The following EFCAB8 variants were observed in gnomAD, a reference collection of about 807,000 sequenced individuals.
EFCAB8 encodes the protein EF-hand calcium binding domain 8, also known as EF-hand calcium-binding domain-containing protein 8.
Under a neutral mutation model 116.3 loss-of-function variants are expected in EFCAB8, and 100 were observed. That is an observed-to-expected ratio of 0.86 (90% CI 0.73 to 1.02). The LOEUF (loss-of-function observed/expected upper bound fraction) is 1.02, where lower values mean the gene tolerates loss of function less well. EFCAB8 is among the 50% of genes least tolerant of loss of function. EFCAB8 has a pLI of 0.00. For missense variants in EFCAB8, 1,320 were observed against 1,416.9 expected, an observed-to-expected ratio of 0.93 and a Z score of 1.10; for synonymous variants, 558 against 567.9, an observed-to-expected ratio of 0.98 and a Z score of 0.25.
At chr20:32,908,576 C>A (rs1373206555) in intron 14 of EFCAB8, among the ~76,000 whole-genome samples, 164 bp downstream of exon 14, 1 of 152,152 alleles carries the variant, frequency 6.6e-6, no homozygotes, top group Non-Finnish European at 1.5e-5. Flanking sequence ...CTTGGGATTT[C>A]CTGAAATCCT....
intron 3 of EFCAB8, among the ~76,000 whole-genome samples, chr20:32,875,438 T>C (rs1490570413): frequency 6.7e-6 from 1 of 150,078 alleles, no homozygotes; most frequent in Non-Finnish European, 1.5e-5. Flanking sequence ...GTGGACCAGC[T>C]GAGGACCGTA....
intron 17 of EFCAB8, 86 bp downstream of exon 17, chr20:32,912,950 G>A: frequency 1.5e-6 from 1 of 680,944 alleles, no homozygotes; most frequent in Non-Finnish European, 2.7e-6. Context: ...GGCTTTCCTG[G>A]TGGTTGGAAC....
intron 14 of EFCAB8, 73 bp downstream of exon 14, chr20:32,908,485 C>A: frequency 8.0e-7 from 1 of 1,245,326 alleles, no homozygotes; most frequent in Non-Finnish European, 1.0e-6. Context: ...CCATGGGACA[C>A]CCAAGGGGTG....
chr20:32,893,744 T>C (rs534590703), intron 9 of EFCAB8, among the ~76,000 whole-genome samples: 2 of 151,514 alleles, frequency 1.3e-5, no homozygotes, highest in East Asian at 4.0e-4. Context: ...ATGTGGGCTC[T>C]GTGGAGCCTG....
At position 32,915,083 on chromosome 20, in the gene EFCAB8, T is replaced by A. The variant is rs185443612; in HGVS notation, c.1857-2218T>A. 2.8e-3 allele frequency among the ~76,000 whole-genome samples: 431 copies of A among 152,216 alleles called. 3 individuals are homozygous for A. The highest frequency in any genetic ancestry group is 9.9e-3 in the African/African-American group (410 of 41,534). ...TTGCTAATTAAAAAAAAAATTTTTT[T>A]ATAGAGATGGGGTCTTGCTATGTTG... On this transcript the variant is annotated intron_variant, in intron 17 of 26. Coordinates refer to ENST00000400522, the MANE Select transcript of EFCAB8 (RefSeq NM_001143967.2).
chr20:32,902,581 C>T (rs1006722380), intron 11 of EFCAB8, among the ~76,000 whole-genome samples: 6 of 152,194 alleles, frequency 3.9e-5, no homozygotes, highest in Non-Finnish European at 8.8e-5. Context: ...ATCCCATCTA[C>T]ACAAAATATT....
At chr20:32,959,634 T>G (rs1989077756) in intron 24 of EFCAB8, 144 bp from the exon 25 acceptor site, 1 of 644,724 alleles carries the variant, frequency 1.6e-6, no homozygotes, top group African/African-American at 1.8e-5. Flanking sequence ...TACTCAGTGA[T>G]GGACTCTGGG....
intron 3 of EFCAB8, among the ~76,000 whole-genome samples, chr20:32,872,445 C>A (rs2146179786): frequency 6.6e-6 from 1 of 152,180 alleles, no homozygotes; most frequent in East Asian, 1.9e-4. Flanking sequence ...CTCATGCCTG[C>A]CATCCCAGAG....
intron 22 of EFCAB8, among the ~76,000 whole-genome samples, chr20:32,943,131 C>T (rs1988456509): frequency 6.6e-6 from 1 of 152,124 alleles, no homozygotes; most frequent in African/African-American, 2.4e-5. Flanking sequence ...CATTGCTCAC[C>T]CTATTCATCT....
At chr20:32,948,580 GA>G (rs1555871381) in intron 23 of EFCAB8, among the ~76,000 whole-genome samples, 1 of 135,526 alleles carries the variant, frequency 7.4e-6, no homozygotes, top group African/African-American at 2.8e-5. Flanking sequence ...AAGAAAGAAA[GA>G]AAAGAAAGGA....
rs991034044 is a variant in EFCAB8 at position 32,961,108 on chromosome 20, T to C, written c.3394-28T>C. 8 of 1,545,600 alleles carry C rather than the reference T, an allele frequency of 5.2e-6. No individual in the cohort carries two copies. In the Admixed American group the frequency reaches 1.2e-4, roughly 23 times the overall value. On this transcript the variant is annotated intron_variant, in intron 26 of 26. Transcript: ENST00000400522. ...GTCCCCGGCTCCAACTGGTGCCCCA[T>C]TCCCGCTCCCCACTCTGTTCCCTGC...
chr20:32,897,341 AC>A (rs1986209569), intron 10 of EFCAB8, among the ~76,000 whole-genome samples: 1 of 150,888 alleles, frequency 6.6e-6, no homozygotes, highest in Admixed American at 6.6e-5. Flanking sequence ...CTAAAATAGT[AC>A]CCTGCGCTTG....
chr20:32,902,990 C>T (rs1406611613), intron 11 of EFCAB8, among the ~76,000 whole-genome samples: 2 of 152,246 alleles, frequency 1.3e-5, no homozygotes, highest in African/African-American at 4.8e-5. Context: ...CCACCGTCAT[C>T]TCCCACCTGA....
chr20:32,943,751 G>A lies in EFCAB8; in HGVS notation c.2906G>A (p.Ser969Asn). 1 of 416,906 alleles carries A rather than the reference G, an allele frequency of 2.4e-6. No homozygotes were observed. Among genetic ancestry groups the A allele is most frequent in the East Asian group, 3.6e-5 (1 of 28,084 alleles). 25.8% of individuals were successfully genotyped at this position (416,906 alleles called of 1,614,324 possible). Residue 969 changes from serine (S) to asparagine (N), a missense_variant, in exon 23 of 27, where the codon AGC (serine) becomes AAC (asparagine). Transcript: ENST00000400522. ...LYVDNFQLVI[S>N]AGQDRDVKAW... Reference sequence around the variant, plus strand: ...GTGGACAACTTCCAGCTGGTTATCAGCGCTGGCCAGGACCGGGACGTCAAG... The same window carrying A: ...GTGGACAACTTCCAGCTGGTTATCAACGCTGGCCAGGACCGGGACGTCAAG...
At chr20:32,933,916 G>T (rs1988005252) in intron 22 of EFCAB8, among the ~76,000 whole-genome samples, 1 of 152,214 alleles carries the variant, frequency 6.6e-6, no homozygotes, top group African/African-American at 2.4e-5. Context: ...GGCAGAGGTT[G>T]CAGTGAGCCG....
chr20:32,898,675 G>C lies in EFCAB8; in HGVS notation c.1088+52G>C, dbSNP rs1986282232. On this transcript the variant is annotated intron_variant, in intron 11 of 26. Transcript: ENST00000400522. ...GGCGGTGGGGCTGGAAGGGAGGGGG[G>C]TGGTGAGTGGACCATGGGGGCTGAC... 2.7e-5 allele frequency: 19 copies of C among 706,668 alleles called. No individual in the cohort carries two copies. In the East Asian group the frequency reaches 5.1e-4, roughly 19 times the overall value. The allele number at this position is 706,668 out of a possible 1,614,324, so 43.8% of individuals were successfully genotyped here.
intron 23 of EFCAB8, among the ~76,000 whole-genome samples, chr20:32,948,570 A>AAGAAAGAAAGAAAGAAAG (rs1555871351): frequency 4.5e-4 from 67 of 149,778 alleles, no homozygotes; most frequent in African/African-American, 1.6e-3. Context: ...GAAAGAAAGA[A>AAGAAAGAAAGAAAGAAAG]AGAAAGAAAG....
At chr20:32,913,476 G>T (rs1987035889) in intron 17 of EFCAB8, among the ~76,000 whole-genome samples, 1 of 152,118 alleles carries the variant, frequency 6.6e-6, no homozygotes, top group South Asian at 2.1e-4. Context: ...AATTTTGGGA[G>T]CAAAATTCAG....
Position 32,889,858 on chromosome 20 carries a change from TG to T in EFCAB8, c.673+455del, listed in dbSNP as rs1985825284. The stretch of plus-strand genomic sequence containing the variant: ...CTCTACTAAAAATACAAAAGTTACC[TG>T]GGAGTGGTGGCACACGCCTGTAATC... On this transcript the variant is annotated intron_variant, in intron 7 of 26. Transcript: ENST00000400522. Among the ~76,000 whole-genome samples the T allele has an allele frequency of 5.3e-5, 8 of 152,080 alleles. 2 individuals are homozygous for T. The South Asian group carries it at 1.7e-3, about 32-fold the overall frequency.
Sources: gnomAD v4.1 joint callset for allele counts (sites outside exome capture counted in the v4.1 genomes callset) on GRCh38, gnomAD v4.1.1 for gene constraint, MANE v1.5 for transcripts, NCBI Gene and HGNC (gene_info 2026-07-23, HGNC 2026-07-21) for gene names.